Variants in NCAM1 observed in about 807,000 individuals in gnomAD.
NCAM1 encodes the protein neural cell adhesion molecule 1, also known as antigen recognized by monoclonal antibody 5.1H11.
NCAM1 carries 14 observed loss-of-function variants against 109.8 expected under a neutral mutation model. The observed-to-expected ratio is 0.13, with a 90% CI of 0.08 to 0.20. NCAM1 has a LOEUF of 0.20. Among genes scored for constraint, NCAM1 ranks in the 10% least tolerant of loss-of-function variants. NCAM1 has a pLI of 1.00. For missense variants in NCAM1, 774 were observed against 1,109.9 expected (o/e 0.70, Z 4.30); for synonymous variants, 418 against 442.9 (o/e 0.94, Z 0.70).
chr11:113,155,542 A>T (rs1183620085), intron 1 of NCAM1, among the ~76,000 whole-genome samples: 1 of 151,930 alleles, frequency 6.6e-6, no homozygotes, highest in Non-Finnish European at 1.5e-5. Flanking sequence ...AACAAAAAAA[A>T]TAGTCTTAGA....
At chr11:113,145,002 C>A (rs1941964055) in intron 1 of NCAM1, among the ~76,000 whole-genome samples, 1 of 152,120 alleles carries the variant, frequency 6.6e-6, no homozygotes, top group African/African-American at 2.4e-5. Context: ...ATTGGATTGA[C>A]CTTACAGCAA....
chr11:113,115,561 C>A (rs1338638331), intron 1 of NCAM1, among the ~76,000 whole-genome samples: 1 of 152,150 alleles, frequency 6.6e-6, no homozygotes, highest in Non-Finnish European at 1.5e-5. Context: ...ACACGGTGAC[C>A]AGAAAGTCAG....
chr11:112,980,844 A>G (rs1270469225), intron 1 of NCAM1, among the ~76,000 whole-genome samples: 3 of 151,876 alleles, frequency 2.0e-5, no homozygotes, highest in Non-Finnish European at 2.9e-5. Flanking sequence ...CTTCATGAGA[A>G]TAGCTAAAAT....
At chr11:113,229,442 G>A (rs1315592074) in intron 9 of NCAM1, among the ~76,000 whole-genome samples, 29 of 152,316 alleles carry the variant, frequency 1.9e-4, no homozygotes, top group African/African-American at 7.0e-4. Flanking sequence ...AACAGGTGCT[G>A]GAGAGGATGT....
At chr11:112,977,632 T>C (rs1951040504) in intron 1 of NCAM1, among the ~76,000 whole-genome samples, 1 of 151,890 alleles carries the variant, frequency 6.6e-6, no homozygotes, top group Non-Finnish European at 1.5e-5. Context: ...TTAAATATGA[T>C]ACAAAAGGTT....
intron 1 of NCAM1, among the ~76,000 whole-genome samples, chr11:112,968,608 C>T (rs528709858): frequency 1.2e-4 from 18 of 152,280 alleles, no homozygotes; most frequent in African/African-American, 4.1e-4. Flanking sequence ...CGTACATCGT[C>T]CCTGTTTTCA....
chr11:113,185,079 T>TATATATATATAGAGAGAGAGAGAG, intron 1 of NCAM1, among the ~76,000 whole-genome samples: 92 of 125,708 alleles, frequency 7.3e-4, no homozygotes, highest in Admixed American at 1.0e-3. Flanking sequence ...TATATATATA[T>TATATATATATAGAGAGAGAGAGAG]AGAGAGAGAG....
chr11:112,970,361 C>G (rs1950845241), intron 1 of NCAM1, among the ~76,000 whole-genome samples: 1 of 152,106 alleles, frequency 6.6e-6, no homozygotes, highest in African/African-American at 2.4e-5. Context: ...ATAGCATCCA[C>G]TATGGTGGTC....
intron 17 of NCAM1, chr11:113,269,986 C>T (rs1555124917): frequency 3.3e-6 from 2 of 600,616 alleles, no homozygotes; most frequent in East Asian, 2.8e-5. Flanking sequence ...ATGATGTTGT[C>T]ATCCCTCCCT....
At chr11:113,222,257 C>T (rs1265134168) in intron 9 of NCAM1, among the ~76,000 whole-genome samples, 2 of 152,134 alleles carry the variant, frequency 1.3e-5, no homozygotes, top group Non-Finnish European at 2.9e-5. Flanking sequence ...CCTATAGATT[C>T]TGTATTTTAA....
chr11:113,197,388 A>G (rs149411260), intron 1 of NCAM1, among the ~76,000 whole-genome samples: 1 of 152,358 alleles, frequency 6.6e-6, no homozygotes, highest in East Asian at 1.9e-4. Context: ...TACAGTGGTT[A>G]TGTTTAGCAA....
chr11:113,022,601 G>A (rs1952423197), intron 1 of NCAM1, among the ~76,000 whole-genome samples: 1 of 152,212 alleles, frequency 6.6e-6, no homozygotes, highest in East Asian at 1.9e-4. Flanking sequence ...TAGAATGCTG[G>A]TGTTAGTTAG....
chr11:113,132,914 C>G (rs1045266974), intron 1 of NCAM1: 1 of 152,220 alleles, frequency 6.6e-6, no homozygotes, highest in Non-Finnish European at 1.5e-5. Context: ...GTTTTATAAG[C>G]CACATCTCAG....
chr11:113,241,148 G>A (rs971570890), intron 14 of NCAM1, among the ~76,000 whole-genome samples: 3 of 152,196 alleles, frequency 2.0e-5, no homozygotes, highest in East Asian at 1.9e-4. Flanking sequence ...ATCAAAGCTC[G>A]TATTTGGAGA....
intron 1 of NCAM1, among the ~76,000 whole-genome samples, chr11:113,102,269 T>C (rs1303957432): frequency 2.6e-5 from 4 of 152,116 alleles, no homozygotes; most frequent in Non-Finnish European, 5.9e-5. Context: ...CAGAAAAAAA[T>C]GGAGGTTATA....
At chr11:113,033,737 A>G (rs1952785398) in intron 1 of NCAM1, among the ~76,000 whole-genome samples, 7 of 152,134 alleles carry the variant, frequency 4.6e-5, no homozygotes, top group Admixed American at 4.6e-4. Context: ...TAATTAGTTA[A>G]TATGCATTTG....
intron 7 of NCAM1, among the ~76,000 whole-genome samples, chr11:113,210,277 C>T (rs1247031936): frequency 4.6e-5 from 7 of 152,146 alleles, no homozygotes; most frequent in African/African-American, 1.7e-4. Context: ...TAAGTTAACT[C>T]TTTTAATCCT....
chr11:113,051,360 A>G (rs1022350715), intron 1 of NCAM1, among the ~76,000 whole-genome samples: 6 of 152,182 alleles, frequency 3.9e-5, no homozygotes, highest in Non-Finnish European at 7.4e-5. Context: ...AAGCAACACC[A>G]TCACTCTATG....
chr11:113,063,719 CTAAGAACATATGATACTTTGGTCCA>C (rs71463431), intron 1 of NCAM1, among the ~76,000 whole-genome samples: 4,227 of 152,238 alleles, frequency 0.028, 102 homozygotes, highest in Non-Finnish European at 0.043. Context: ...CTTGTCTATG[CTAAGAACATATGATACTTTGGTCCA>C]TAAGAACATA....
Sources: allele counts gnomAD v4.1 joint callset (sites outside exome capture counted in the v4.1 genomes callset), GRCh38; gene constraint gnomAD v4.1.1; transcripts MANE v1.5; gene names NCBI Gene and HGNC (gene_info 2026-07-23, HGNC 2026-07-21).